Variants in PPP1R9A observed in about 807,000 individuals in gnomAD.
PPP1R9A encodes the protein protein phosphatase 1 regulatory subunit 9A.
In PPP1R9A, 59 loss-of-function variants were observed where a neutral mutation model predicts 141.9. The ratio of observed to expected loss-of-function variants is 0.42; its 90% CI spans 0.34 to 0.52. PPP1R9A has a LOEUF of 0.52. Ranked by LOEUF, PPP1R9A falls within the 20% of genes least tolerant of loss-of-function variation. The pLI is 0.10. For synonymous variants in PPP1R9A, 500 were observed against 569.7 expected (o/e 0.88, Z 1.74); for missense variants, 1,444 against 1,611.9 (o/e 0.90, Z 1.78).
intron 4 of PPP1R9A, among the ~76,000 whole-genome samples, chr7:95,128,586 T>C (rs1037505903): frequency 6.6e-6 from 1 of 151,816 alleles, no homozygotes; most frequent in African/African-American, 2.4e-5. Context: ...TGTTTGTTTG[T>C]TTGTTTTGAG....
intron 8 of PPP1R9A, among the ~76,000 whole-genome samples, chr7:95,245,697 G>T (rs542062545): frequency 3.3e-5 from 5 of 152,166 alleles, no homozygotes; most frequent in Admixed American, 6.6e-5. Flanking sequence ...TTGTGATTAG[G>T]TTCCTTGCCA....
At chr7:95,151,555 C>T (rs1047162645) in intron 4 of PPP1R9A, among the ~76,000 whole-genome samples, 11 of 152,016 alleles carry the variant, frequency 7.2e-5, no homozygotes, top group African/African-American at 2.7e-4. Flanking sequence ...TACATGTCAT[C>T]CATCATACAT....
At chr7:95,207,396 G>T (rs1791052391) in intron 7 of PPP1R9A, among the ~76,000 whole-genome samples, 1 of 152,076 alleles carries the variant, frequency 6.6e-6, no homozygotes, top group Non-Finnish European at 1.5e-5. Flanking sequence ...GACAGTGTGA[G>T]ATGTATGAAG....
chr7:95,002,293 G>A (rs888474210), intron 2 of PPP1R9A, among the ~76,000 whole-genome samples: 1 of 152,182 alleles, frequency 6.6e-6, no homozygotes, highest in Non-Finnish European at 1.5e-5. Flanking sequence ...GGTCTCATAT[G>A]TTGATATGAA....
intron 4 of PPP1R9A, among the ~76,000 whole-genome samples, chr7:95,153,307 A>C (rs1326137649): frequency 1.3e-5 from 2 of 152,222 alleles, no homozygotes; most frequent in African/African-American, 2.4e-5. Context: ...AGTTAAGTAC[A>C]CAAGAATCTT....
At chr7:95,042,516 G>T (rs775529104) in intron 2 of PPP1R9A, among the ~76,000 whole-genome samples, 2 of 152,156 alleles carry the variant, frequency 1.3e-5, no homozygotes, top group Non-Finnish European at 2.9e-5. Context: ...TTTTGGTAAA[G>T]TTGTACTTCA....
At chr7:95,263,254 CAAGT>C (rs536060378) in intron 12 of PPP1R9A, among the ~76,000 whole-genome samples, 5 of 152,260 alleles carry the variant, frequency 3.3e-5, no homozygotes, top group Admixed American at 3.3e-4. Flanking sequence ...TTTAACTACG[CAAGT>C]AATACATAAA....
intron 3 of PPP1R9A, among the ~76,000 whole-genome samples, chr7:95,118,999 G>A (rs1034685569): frequency 7.2e-6 from 1 of 139,042 alleles, no homozygotes; most frequent in African/African-American, 2.7e-5. Context: ...AAAAAAAAAA[G>A]AAGAAGAAGA....
rs200979640 is a variant in PPP1R9A at position 95,112,202 on chromosome 7, TCAA to T, written c.1528+827_1528+829del. Among the ~76,000 whole-genome samples, 1,369 of 151,842 alleles carry T rather than the reference TCAA, an allele frequency of 9.0e-3. 15 individuals carry two copies. The highest frequency in any genetic ancestry group is 0.014 in the Middle Eastern group (4 of 294). On this transcript the variant is annotated intron_variant, in intron 3 of 19. Coordinates refer to ENST00000433360, the MANE Select transcript of PPP1R9A (RefSeq NM_001166160.2). The stretch of plus-strand genomic sequence containing the variant: ...CAGAATCTATGTGGAACTCAAATAC[TCAA>T]CAACAACAACAACAAAAAGAAAGAA...
intron 2 of PPP1R9A, among the ~76,000 whole-genome samples, chr7:95,104,039 G>T (rs1007406210): frequency 1.3e-5 from 2 of 151,624 alleles, no homozygotes; most frequent in African/African-American, 2.4e-5. Context: ...TTAGAAGCCT[G>T]CACCCAGATA....
intron 2 of PPP1R9A, among the ~76,000 whole-genome samples, chr7:94,988,703 A>G (rs1801141084): frequency 6.6e-6 from 1 of 152,110 alleles, no homozygotes; most frequent in Admixed American, 6.6e-5. Context: ...GTCAAAATAT[A>G]TGTTGAGAGT....
At chr7:95,183,971 T>A (rs550997626) in intron 5 of PPP1R9A, among the ~76,000 whole-genome samples, 1 of 152,250 alleles carries the variant, frequency 6.6e-6, no homozygotes, top group East Asian at 1.9e-4. Context: ...TAGATGAATT[T>A]TTAAATTTTT....
intron 7 of PPP1R9A, 131 bp downstream of exon 7, chr7:95,203,861 T>A (rs1360906718): frequency 1.7e-6 from 1 of 590,060 alleles, no homozygotes; most frequent in Non-Finnish European, 2.8e-6. Context: ...GTTTTGTGCA[T>A]TGAATAATAG....
At chr7:95,070,593 G>GTGTATATATATATATATATATATATA (rs376992260) in intron 2 of PPP1R9A, among the ~76,000 whole-genome samples, 3 of 111,936 alleles carry the variant, frequency 2.7e-5, no homozygotes, top group Non-Finnish European at 5.7e-5. Context: ...TAAATCTCTG[G>GTGTATATATATATATATATATATATA]TATATATATA....
chr7:95,148,832 T>C (rs1263643590), intron 4 of PPP1R9A, among the ~76,000 whole-genome samples: 1 of 152,084 alleles, frequency 6.6e-6, no homozygotes, highest in Non-Finnish European at 1.5e-5. Flanking sequence ...AAAGCAAAGA[T>C]AATAAATACT....
At position 95,086,640 on chromosome 7, in the gene PPP1R9A, T is replaced by G. The variant is rs1816668096; in HGVS notation, c.1396-24619T>G. ...AATAAAGGTTTTTCTTAAAACCTAC[T>G]CCTAGTTTTGCTGCACTAGGCCAAG... On this transcript the variant is annotated intron_variant, in intron 2 of 19. Coordinates refer to ENST00000433360, the MANE Select transcript of PPP1R9A (RefSeq NM_001166160.2). Among the ~76,000 whole-genome samples the G allele has an allele frequency of 2.6e-5, 4 of 152,124 alleles. No homozygotes were observed. The South Asian group carries it at 8.3e-4, about 32-fold the overall frequency.
chr7:95,141,092 T>C (rs1826589387), intron 4 of PPP1R9A, among the ~76,000 whole-genome samples: 1 of 152,144 alleles, frequency 6.6e-6, no homozygotes, highest in South Asian at 2.1e-4. Flanking sequence ...TCCTATTTTC[T>C]ATGGGTAAAG....
intron 2 of PPP1R9A, among the ~76,000 whole-genome samples, chr7:94,981,688 A>G (rs1310562965): frequency 6.6e-6 from 1 of 152,184 alleles, no homozygotes; most frequent in African/African-American, 2.4e-5. Context: ...ACATATGTAC[A>G]TATATTCTAA....
Position 95,023,615 on chromosome 7 carries a change from G to A in PPP1R9A, c.1396-87644G>A, listed in dbSNP as rs142127066. Among the ~76,000 whole-genome samples, 141 of 152,042 alleles carry A rather than the reference G, an allele frequency of 9.3e-4. 1 individual carries two copies. In the East Asian group the frequency reaches 0.022, roughly 24 times the overall value. On this transcript the variant is annotated intron_variant, in intron 2 of 19. Coordinates refer to ENST00000433360, the MANE Select transcript of PPP1R9A (RefSeq NM_001166160.2). ...GTTGCCCAGGCTGGAGTGCAGTGGC[G>A]CGATCTTGGCTCACTGCAAGCTCTG... is the stretch of plus-strand genomic sequence containing the variant.
Sources: gnomAD v4.1 joint callset for allele counts (sites outside exome capture counted in the v4.1 genomes callset) on GRCh38, gnomAD v4.1.1 for gene constraint, MANE v1.5 for transcripts, NCBI Gene and HGNC (gene_info 2026-07-23, HGNC 2026-07-21) for gene names.